The following COL4A5 variants were observed in gnomAD, a reference collection of about 807,000 sequenced individuals.
COL4A5 encodes the protein collagen alpha-5(IV) chain.
Under a neutral mutation model 130.2 loss-of-function variants are expected in COL4A5, and 26 were observed. The ratio of observed to expected loss-of-function variants is 0.20; its 90% CI spans 0.15 to 0.28. The LOEUF is 0.28. Among genes scored for constraint, COL4A5 ranks in the 10% least tolerant of loss-of-function variants. The pLI is 1.00. For synonymous variants in COL4A5, 496 were observed against 439.6 expected (o/e 1.13, Z -1.60); for missense variants, 1,131 against 1,344.3 (o/e 0.84, Z 2.48).
intron 9 of COL4A5, 56 bp downstream of exon 9, chrX:108,573,710 A>G: frequency 1.2e-6 from 1 of 806,651 alleles, no homozygotes; most frequent in East Asian, 3.1e-5. Flanking sequence ...GAAGATTACA[A>G]CAATCCCTCA....
rs2068656269 is a variant in COL4A5, at chrX:108,692,749, G to A, written c.4530G>A (p.Gly1510=). The A allele has an allele frequency of 8.3e-7, 1 of 1,210,668 alleles. No homozygotes were observed. Among genetic ancestry groups the A allele is most frequent in the Admixed American group, 2.2e-5 (1 of 45,976 alleles). ...TGTTTTCTCTCCAAATCTTTCTAGG[G>A]ACGGCTGGCAGCTGCCTTCGTCGCT... ...GNKRAHGQDL[G]TAGSCLRRFS... The change falls in exon 50 of 53, where the codon GGG becomes GGA. Residue 1510 remains glycine (G), a splice_region_variant and synonymous_variant. Coordinates refer to ENST00000328300, the MANE Select transcript of COL4A5 (RefSeq NM_033380.3).
At chrX:108,631,984 G>A (rs1338435235) in intron 36 of COL4A5, among the ~76,000 whole-genome samples, 1 of 111,013 alleles carries the variant, frequency 9.0e-6, no homozygotes, top group Non-Finnish European at 1.9e-5. Flanking sequence ...GATCAGAGCA[G>A]AACTGAAGAA....
At chrX:108,643,530 T>A (rs2223704) in intron 36 of COL4A5, among the ~76,000 whole-genome samples, 27,360 of 111,063 alleles carry the variant, frequency 0.25, 2,801 homozygotes, top group East Asian at 0.57. Flanking sequence ...GCAGAAACCC[T>A]ACAAGCTTGA....
intron 1 of COL4A5, among the ~76,000 whole-genome samples, chrX:108,509,835 G>A (rs954100906): frequency 8.9e-6 from 1 of 111,873 alleles, no homozygotes; most frequent in African/African-American, 3.2e-5. Context: ...AAAGCATTCT[G>A]CCATAAAGAA....
chrX:108,537,943 T>A (rs1258858631), intron 1 of COL4A5, among the ~76,000 whole-genome samples: 1 of 111,942 alleles, frequency 8.9e-6, no homozygotes, highest in Non-Finnish European at 1.9e-5. Flanking sequence ...AAATCCATAG[T>A]CTGGAACTTA....
intron 19 of COL4A5, among the ~76,000 whole-genome samples, chrX:108,589,047 T>A (rs1320337542): frequency 9.0e-6 from 1 of 111,504 alleles, no homozygotes; most frequent in Non-Finnish European, 1.9e-5. Flanking sequence ...AATATATTAG[T>A]AAAGCATATT....
chrX:108,467,621 A>G (rs916876893), intron 1 of COL4A5, among the ~76,000 whole-genome samples: 4 of 111,751 alleles, frequency 3.6e-5, no homozygotes, highest in East Asian at 2.8e-4. Flanking sequence ...AAGTCTTCCA[A>G]TCCAGGAACA....
chrX:108,601,531 T>A (rs2066628534), intron 26 of COL4A5, 46 bp downstream of exon 26: 2 of 532,596 alleles, frequency 3.8e-6, no homozygotes, highest in African/African-American at 2.5e-5. Context: ...CCGATGGCTT[T>A]TTTTTTTTTT....
chrX:108,482,157 C>T (rs1232639166), intron 1 of COL4A5, among the ~76,000 whole-genome samples: 1 of 111,823 alleles, frequency 8.9e-6, no homozygotes, highest in African/African-American at 3.3e-5. Context: ...ACCATTATCC[C>T]ATACCCTTAA....
intron 37 of COL4A5, among the ~76,000 whole-genome samples, chrX:108,656,575 C>T (rs1282790877): frequency 1.8e-5 from 2 of 111,778 alleles, no homozygotes; most frequent in South Asian, 3.7e-4. Context: ...TTAGTAGATG[C>T]TGCCAAACAG....
At chrX:108,470,326 TA>T (rs1393130060) in intron 1 of COL4A5, among the ~76,000 whole-genome samples, 1 of 112,461 alleles carries the variant, frequency 8.9e-6, no homozygotes, top group Admixed American at 9.4e-5. Flanking sequence ...TTTTGCTTTT[TA>T]ATAATAGCCA....
At chrX:108,612,531 A>G (rs1024586641) in intron 29 of COL4A5, among the ~76,000 whole-genome samples, 1 of 111,876 alleles carries the variant, frequency 8.9e-6, no homozygotes, top group Non-Finnish European at 1.9e-5. Context: ...AAAATTAAAC[A>G]AAAACAGTAT....
intron 1 of COL4A5, among the ~76,000 whole-genome samples, chrX:108,529,829 A>G (rs1046387582): frequency 9.0e-6 from 1 of 111,309 alleles, no homozygotes; most frequent in African/African-American, 3.3e-5. Flanking sequence ...TCATTATGTA[A>G]TGATAAATGG....
chrX:108,546,617 G>A (rs1407398784), intron 2 of COL4A5, among the ~76,000 whole-genome samples: 3 of 110,711 alleles, frequency 2.7e-5, no homozygotes, highest in African/African-American at 9.9e-5. Flanking sequence ...GAGTATCTTT[G>A]TGGCGTTCTC....
chrX:108,442,309 T>G (rs900587772), intron 1 of COL4A5, among the ~76,000 whole-genome samples: 9 of 111,772 alleles, frequency 8.1e-5, no homozygotes, highest in Non-Finnish European at 1.3e-4. Flanking sequence ...TTTCTTTATC[T>G]CTGAAATCAT....
chrX:108,681,359 C>G (rs947031533), intron 46 of COL4A5, among the ~76,000 whole-genome samples: 2 of 109,162 alleles, frequency 1.8e-5, no homozygotes, highest in Non-Finnish European at 3.8e-5. Flanking sequence ...GCTAAATTCC[C>G]CTACTAGATC....
intron 1 of COL4A5, among the ~76,000 whole-genome samples, chrX:108,523,440 A>T (rs1041735776): frequency 4.7e-5 from 5 of 105,299 alleles, no homozygotes; most frequent in African/African-American, 1.7e-4. Flanking sequence ...ATTCTGTCCC[A>T]TTGATCTACA....
chrX:108,569,969 C>T (rs778818788), intron 6 of COL4A5, among the ~76,000 whole-genome samples: 3 of 111,480 alleles, frequency 2.7e-5, no homozygotes, highest in African/African-American at 9.8e-5. Flanking sequence ...TGCGAGCCAC[C>T]GCGCCCGGCC....
intron 1 of COL4A5, among the ~76,000 whole-genome samples, chrX:108,539,190 A>C: frequency 9.0e-6 from 1 of 111,487 alleles, no homozygotes. Context: ...GAAGAAAAAA[A>C]GGAGAGTTCC....
Sources: gnomAD v4.1 joint callset for allele counts (sites outside exome capture counted in the v4.1 genomes callset) on GRCh38, gnomAD v4.1.1 for gene constraint, MANE v1.5 for transcripts, NCBI Gene and HGNC (gene_info 2026-07-23, HGNC 2026-07-21) for gene names.